PLEKHA6: variants seen among roughly 807,000 people sequenced by gnomAD.
PLEKHA6 encodes pleckstrin homology domain-containing family A member 6.
Under a neutral mutation model 116.7 loss-of-function variants are expected in PLEKHA6, and 60 were observed. The observed-to-expected ratio is 0.51, with a 90% CI of 0.42 to 0.64. PLEKHA6 has a LOEUF of 0.64. Among genes scored for constraint, PLEKHA6 ranks in the 30% least tolerant of loss-of-function variants. The pLI is 0.00. For synonymous variants in PLEKHA6, 489 were observed against 556.1 expected, an observed-to-expected ratio of 0.88 and a Z score of 1.70; for missense variants, 1,338 against 1,422.7, an observed-to-expected ratio of 0.94 and a Z score of 0.96.
At chr1:204,251,291 T>G (rs185913366) in intron 9 of PLEKHA6, among the ~76,000 whole-genome samples, 3 of 152,336 alleles carry the variant, frequency 2.0e-5, no homozygotes. Flanking sequence ...ATCCCCAGCA[T>G]GGCATGAGAT....
intron 9 of PLEKHA6, among the ~76,000 whole-genome samples, chr1:204,254,095 T>G (rs1378687422): frequency 3.3e-5 from 5 of 152,192 alleles, no homozygotes; most frequent in Non-Finnish European, 7.4e-5. Flanking sequence ...CGGAGGTGGG[T>G]GGGCCATGAG....
At position 204,265,960 on chromosome 1, in the gene PLEKHA6, G is replaced by A. The variant is rs556824323; in HGVS notation, c.281-918C>T. ...GGCGGGGAGTGCTCTGTGGGACAGT[G>A]GGGGGGACAATTATGAGACTATGGC... On this transcript the variant is annotated intron_variant, in intron 5 of 22. Transcript: ENST00000272203. Among the ~76,000 whole-genome samples the A allele has an allele frequency of 4.6e-5, 7 of 152,204 alleles. No homozygotes were observed. The South Asian group carries it at 8.3e-4, about 18-fold the overall frequency.
Position 204,284,721 on chromosome 1 carries a change from G to A in PLEKHA6, c.-94-9912C>T, listed in dbSNP as rs140918495. ...CACATGATGGCAAGGAATGGACAGC[G>A]TGTGGATTGTCCTTAAGGAAAAGGG... On this transcript the variant is annotated intron_variant, in intron 1 of 22. Transcript: ENST00000272203. Among the ~76,000 whole-genome samples the A allele has an allele frequency of 2.0e-3, 308 of 152,216 alleles. 1 individual carries two copies. The highest frequency in any genetic ancestry group is 1.9e-3 in the Non-Finnish European group (130 of 68,016).
chr1:204,313,865 C>G (rs969315900), intron 1 of PLEKHA6: 1 of 181,594 alleles, frequency 5.5e-6, no homozygotes, highest in Non-Finnish European at 1.1e-5. Flanking sequence ...CAGCTCCCTC[C>G]CCCGAGCTTC....
chr1:204,282,070 G>A (rs1366086213), intron 1 of PLEKHA6, among the ~76,000 whole-genome samples: 2 of 152,190 alleles, frequency 1.3e-5, no homozygotes, highest in African/African-American at 4.8e-5. Flanking sequence ...CTCAGGTGCT[G>A]TCCTTCCCCC....
At chr1:204,365,944 C>T (rs892750382) in intron 3 of PLEKHA6, among the ~76,000 whole-genome samples, 6 of 152,086 alleles carry the variant, frequency 3.9e-5, no homozygotes, top group African/African-American at 1.2e-4. Flanking sequence ...ATGGGCTAAT[C>T]GAGAAGTCGG....
In PLEKHA6 at chr1:204,259,678, T is replaced by C; in HGVS notation, c.587A>G (p.Asn196Ser). 4.3e-6 allele frequency: 7 copies of C among 1,614,028 alleles called. No homozygotes were observed. The highest frequency in any genetic ancestry group is 5.1e-6 in the Non-Finnish European group (6 of 1,179,958). The change falls in exon 8 of 23, where the codon AAC (asparagine) becomes AGC (serine). Residue 196 changes from asparagine (N) to serine (S), a missense_variant. Coordinates refer to ENST00000272203, the MANE Select transcript of PLEKHA6 (RefSeq NM_014935.5). This position sits in a 1 kb window ranked among gnomAD's most constrained non-coding sequence, Gnocchi z 4.6. Reference protein sequence around the residue: ...PSKHHQQPPHNSLPKPEPEAK... With the variant: ...PSKHHQQPPHSSLPKPEPEAK... ...CTCTGGCTCAGGCTTAGGGAGGCTG[T>C]TGTGGGGTGGCTGCTGGTGGTGCTT...
At chr1:204,328,047 T>TTTATTTAC (rs1224008751) in intron 1 of PLEKHA6, among the ~76,000 whole-genome samples, 3 of 2,606 alleles carry the variant, frequency 1.2e-3, no homozygotes, top group African/African-American at 1.6e-3. Flanking sequence ...TTTTATTTAT[T>TTTATTTAC]TTATTTATTT....
At chr1:204,285,842 G>A (rs533664273) in intron 1 of PLEKHA6, among the ~76,000 whole-genome samples, 36 of 152,306 alleles carry the variant, frequency 2.4e-4, no homozygotes, top group Non-Finnish European at 4.3e-4. Context: ...GAAGAGTTGG[G>A]GAGGAGGCTG....
chr1:204,316,962 GC>G (rs1348631208), intron 1 of PLEKHA6, among the ~76,000 whole-genome samples: 16 of 152,232 alleles, frequency 1.1e-4, no homozygotes, highest in African/African-American at 3.9e-4. Context: ...CACCTCCAAG[GC>G]CAATCACATA....
intron 16 of PLEKHA6, 40 bp from the exon 17 acceptor site, chr1:204,241,521 C>G (rs1662815808): frequency 2.1e-6 from 3 of 1,428,214 alleles, no homozygotes; most frequent in Non-Finnish European, 1.9e-6. Flanking sequence ...TCATGGAGAG[C>G]AGGAAGGCAG....
chr1:204,282,373 C>T (rs1309178014), intron 1 of PLEKHA6, among the ~76,000 whole-genome samples: 7 of 152,172 alleles, frequency 4.6e-5, no homozygotes, highest in Non-Finnish European at 5.9e-5. Context: ...AAAATGAAGA[C>T]AACCAGAGTA....
intron 1 of PLEKHA6, among the ~76,000 whole-genome samples, chr1:204,283,201 G>A (rs999239586): frequency 1.1e-4 from 16 of 139,714 alleles, no homozygotes; most frequent in African/African-American, 1.8e-4. Flanking sequence ...CCCACCCAAC[G>A]AAAGGAATTT....
At chr1:204,364,867 C>A (rs1673621072), upstream of PLEKHA6, among the ~76,000 whole-genome samples, 1 of 152,160 alleles carries the variant, frequency 6.6e-6, no homozygotes, top group Non-Finnish European at 1.5e-5. Context: ...TCCAACAAAC[C>A]CTCCAGTGAT....
intron 3 of PLEKHA6, among the ~76,000 whole-genome samples, chr1:204,269,511 G>A (rs1451362918): frequency 2.0e-5 from 3 of 146,982 alleles, no homozygotes; most frequent in African/African-American, 7.5e-5. Flanking sequence ...CCAATCCCAG[G>A]AGGCTCAGCC....
chr1:204,256,168 T>C (rs1665260217), intron 9 of PLEKHA6, among the ~76,000 whole-genome samples: 1 of 152,066 alleles, frequency 6.6e-6, no homozygotes, highest in African/African-American at 2.4e-5. Context: ...GGTACTGTTA[T>C]GGAAATGAGT....
intron 1 of PLEKHA6, chr1:204,297,001 A>G: frequency 4.5e-6 from 2 of 445,800 alleles, no homozygotes; most frequent in Non-Finnish European, 5.9e-6. Context: ...ATTTAGGAAC[A>G]TGGCTATTAC....
intron 1 of PLEKHA6, chr1:204,282,774 C>T (rs1668760789): frequency 1.4e-5 from 14 of 985,290 alleles, no homozygotes; most frequent in African/African-American, 1.7e-5. Context: ...CTCCCTGGAG[C>T]TCCTCCTTGT....
intron 1 of PLEKHA6, among the ~76,000 whole-genome samples, chr1:204,295,744 C>G (rs1670213212): frequency 6.6e-6 from 1 of 152,076 alleles, no homozygotes; most frequent in Admixed American, 6.6e-5. Context: ...TTAGATTCAG[C>G]TGGGGAGGAC....
Sources: gnomAD v4.1 joint callset for allele counts (sites outside exome capture counted in the v4.1 genomes callset) on GRCh38, gnomAD v4.1.1 for gene constraint, Gnocchi (gnomAD v3.1) non-coding constraint, MANE v1.5 for transcripts, NCBI Gene and HGNC (gene_info 2026-07-23, HGNC 2026-07-21) for gene names.